The following CASD1 variants were observed in gnomAD, a reference collection of about 807,000 sequenced individuals.
The protein encoded by CASD1 is N-acetylneuraminate (7)9-O-acetyltransferase.
A neutral mutation model predicts 100.0 loss-of-function variants in CASD1; 41 were observed. The observed-to-expected ratio is 0.41, with a 90% CI of 0.32 to 0.53. The LOEUF is 0.53. Among genes scored for constraint, CASD1 ranks in the 20% least tolerant of loss-of-function variants. The pLI is 0.25. For missense variants in CASD1, 774 were observed against 948.7 expected, an observed-to-expected ratio of 0.82 and a Z score of 2.42; for synonymous variants, 321 against 315.6, an observed-to-expected ratio of 1.02 and a Z score of -0.18.
intron 5 of CASD1, among the ~76,000 whole-genome samples, chr7:94,529,101 T>A (rs546655910): frequency 6.6e-6 from 1 of 152,312 alleles, no homozygotes; most frequent in African/African-American, 2.4e-5. Flanking sequence ...AGACAACTTC[T>A]AGAATTCAAA....
chr7:94,517,660 A>T lies in CASD1; in HGVS notation c.230+4A>T, dbSNP rs760817168. ...TGATGCATAAATACAAAATCAGGTA[A>T]CATTTCTTCATTTTGTTGTTTTCTT... On this transcript the variant is annotated splice_donor_region_variant and intron_variant, in intron 2 of 17. Coordinates refer to ENST00000297273, the MANE Select transcript of CASD1 (RefSeq NM_022900.5). 10 of 1,567,322 alleles carry T rather than the reference A, an allele frequency of 6.4e-6. No homozygotes were observed. Among genetic ancestry groups the T allele is most frequent in the Admixed American group, 5.2e-5 (3 of 57,850 alleles).
chr7:94,514,373 T>C (rs190503551), intron 1 of CASD1, among the ~76,000 whole-genome samples: 31 of 152,328 alleles, frequency 2.0e-4, no homozygotes, highest in African/African-American at 5.5e-4. Context: ...TAACTTGCTG[T>C]ATCTTAGGCA....
chr7:94,614,934 GT>G, the CASD1 span, among the ~76,000 whole-genome samples: 4 of 152,004 alleles, frequency 2.6e-5, no homozygotes, highest in Admixed American at 6.6e-5. Flanking sequence ...GACTTCATTT[GT>G]TTTTTTGTTA....
At chr7:94,588,371 G>C in the CASD1 span, 4 of 1,143,124 alleles carry the variant, frequency 3.5e-6, no homozygotes, top group Non-Finnish European at 4.3e-6. Flanking sequence ...ATGCATCCAA[G>C]CTAAGAATCT....
chr7:94,598,332 A>G, the CASD1 span: 1 of 187,706 alleles, frequency 5.3e-6, no homozygotes, highest in South Asian at 1.0e-4. Context: ...GATCATAAAA[A>G]ACAACCCAAA....
At chr7:94,606,066 T>G in the CASD1 span, among the ~76,000 whole-genome samples, 2 of 152,010 alleles carry the variant, frequency 1.3e-5, no homozygotes, top group Non-Finnish European at 2.9e-5. Flanking sequence ...TGACCTCAGG[T>G]GATCTGCCTG....
chr7:94,594,935 A>AG, the CASD1 span, among the ~76,000 whole-genome samples: 1 of 152,114 alleles, frequency 6.6e-6, no homozygotes, highest in Non-Finnish European at 1.5e-5. Flanking sequence ...CTACATCTCC[A>AG]GGTTCTGCTC....
At chr7:94,538,286 TTTTATA>T (rs1294620194) in intron 9 of CASD1, among the ~76,000 whole-genome samples, 1 of 152,154 alleles carries the variant, frequency 6.6e-6, no homozygotes, top group Non-Finnish European at 1.5e-5. Flanking sequence ...CACAAACATA[TTTTATA>T]TTTATATATT....
At chr7:94,588,569 G>T in the CASD1 span, 1 of 1,530,584 alleles carries the variant, frequency 6.5e-7, no homozygotes, top group South Asian at 1.2e-5. Flanking sequence ...ATTAAGGAAT[G>T]ACACAAGTGT....
intron 10 of CASD1, among the ~76,000 whole-genome samples, chr7:94,539,617 C>T (rs911087258): frequency 6.9e-6 from 1 of 144,916 alleles, no homozygotes; most frequent in Non-Finnish European, 1.5e-5. Context: ...TGCAATGAGC[C>T]GATATTTCAC....
At chr7:94,550,462 T>C (rs1158325164) in intron 14 of CASD1, among the ~76,000 whole-genome samples, 1 of 152,184 alleles carries the variant, frequency 6.6e-6, no homozygotes, top group Non-Finnish European at 1.5e-5. Flanking sequence ...CAGTGTATTA[T>C]GATACGACTG....
the CASD1 span, among the ~76,000 whole-genome samples, chr7:94,580,232 TAAC>T: frequency 1.1e-4 from 16 of 152,190 alleles, no homozygotes; most frequent in Non-Finnish European, 1.3e-4. Flanking sequence ...TTTTCATTCT[TAAC>T]ATCCTTCAGA....
chr7:94,509,877 C>T lies in CASD1; in HGVS notation c.-208C>T, dbSNP rs1793594853. ...AGCGGCGGCGGGGCTGGGGGGAGGC[C>T]GCCGAGTCGGCCGCGGCCGAGGAGG... On this transcript the variant is annotated 5_prime_UTR_variant, in exon 1 of 18. Coordinates refer to ENST00000297273, the MANE Select transcript of CASD1 (RefSeq NM_022900.5). 9.6e-7 allele frequency: 1 copy of T among 1,036,648 alleles called. No individual in the cohort carries two copies. Among genetic ancestry groups the T allele is most frequent in the Non-Finnish European group, 1.2e-6 (1 of 864,166 alleles). 64.2% of individuals were successfully genotyped at this position (1,036,648 alleles called of 1,614,324 possible).
chr7:94,600,953 A>G, the CASD1 span: 5 of 1,033,802 alleles, frequency 4.8e-6, no homozygotes, highest in South Asian at 5.5e-5. Flanking sequence ...TTGACAAATT[A>G]TCTAAAAAGC....
the CASD1 span, among the ~76,000 whole-genome samples, chr7:94,573,162 G>A: frequency 6.6e-6 from 1 of 152,148 alleles, no homozygotes; most frequent in Non-Finnish European, 1.5e-5. Flanking sequence ...GTAACACAGT[G>A]CCTCCAGCAC....
the CASD1 span, among the ~76,000 whole-genome samples, chr7:94,606,551 A>C: frequency 1.3e-5 from 2 of 152,230 alleles, no homozygotes; most frequent in African/African-American, 4.8e-5. Context: ...ACATCTCTCT[A>C]TCAGAAATGG....
At chr7:94,628,912 T>G in the CASD1 span, 1 of 155,904 alleles carries the variant, frequency 6.4e-6, no homozygotes, top group Non-Finnish European at 1.4e-5. Flanking sequence ...TAGCACATCC[T>G]GGCCCTGTGT....
At chr7:94,585,528 AGAAT>A in the CASD1 span, 2 of 1,593,764 alleles carry the variant, frequency 1.3e-6, no homozygotes, top group Non-Finnish European at 1.7e-6. Context: ...GCAATGTGTA[AGAAT>A]GAATATGGGC....
the CASD1 span, chr7:94,588,707 G>A: frequency 6.2e-7 from 1 of 1,608,484 alleles, no homozygotes; most frequent in Non-Finnish European, 8.5e-7. Context: ...TGCTGTTGGG[G>A]AATCTGAGTC....
Sources: allele counts gnomAD v4.1 joint callset (sites outside exome capture counted in the v4.1 genomes callset), GRCh38; gene constraint gnomAD v4.1.1; transcripts MANE v1.5; gene names NCBI Gene and HGNC (gene_info 2026-07-23, HGNC 2026-07-21).